PTPRG: variants seen among roughly 807,000 people sequenced by gnomAD.
PTPRG encodes protein tyrosine phosphatase receptor type G.
In PTPRG, 102 loss-of-function variants were observed where a neutral mutation model predicts 165.3. The ratio of observed to expected loss-of-function variants is 0.62; its 90% CI spans 0.53 to 0.73. The LOEUF is 0.73. Among genes scored for constraint, PTPRG ranks in the 30% least tolerant of loss-of-function variants. The pLI, the probability that PTPRG is intolerant of heterozygous loss-of-function variation, is 0.00. For missense variants in PTPRG, 1,866 were observed against 1,861.4 expected, an observed-to-expected ratio of 1.00 and a Z score of -0.05; for synonymous variants, 675 against 669.5, an observed-to-expected ratio of 1.01 and a Z score of -0.13.
intron 2 of PTPRG, among the ~76,000 whole-genome samples, chr3:61,886,235 A>G (rs575424796): frequency 2.6e-5 from 4 of 152,242 alleles, no homozygotes; most frequent in Admixed American, 1.3e-4. Flanking sequence ...AAGTGGATTC[A>G]GGTGGAGAAA....
rs114945621 is a variant in PTPRG at position 61,915,827 on chromosome 3, A to G, written c.191-73798A>G. Among the ~76,000 whole-genome samples the G allele has an allele frequency of 4.0e-3, 607 of 152,342 alleles. 4 individuals are homozygous for G. The highest frequency in any genetic ancestry group is 7.0e-3 in the Non-Finnish European group (479 of 68,032). ...TCATAATATCACTTGATTTAAAGTC[A>G]AATATCTGAACCTGAATACTATAGG... On this transcript the variant is annotated intron_variant, in intron 2 of 29. Coordinates refer to ENST00000474889, the MANE Select transcript of PTPRG (RefSeq NM_002841.4).
intron 1 of PTPRG, among the ~76,000 whole-genome samples, chr3:61,713,317 C>T (rs2031654849): frequency 2.0e-5 from 3 of 150,714 alleles, no homozygotes; most frequent in East Asian, 3.9e-4. Flanking sequence ...CGTGAGACCA[C>T]GCTCAGCTAA....
intron 1 of PTPRG, among the ~76,000 whole-genome samples, chr3:61,674,743 A>G (rs1038003585): frequency 1.3e-5 from 2 of 152,142 alleles, no homozygotes; most frequent in African/African-American, 4.8e-5. Flanking sequence ...AAAGTCCTGG[A>G]ATGTCTTTCA....
Position 61,906,320 on chromosome 3 carries a change from A to G in PTPRG, c.191-83305A>G, listed in dbSNP as rs1465714888. Among the ~76,000 whole-genome samples the G allele has an allele frequency of 2.0e-5, 3 of 151,730 alleles. No homozygotes were observed. In the South Asian group the frequency reaches 6.3e-4, roughly 32 times the overall value. ...ATAAAAAAAAAATTAGCCGGGTGTG[A>G]TGGTGTGCACCTTTAATCCCAGCTC... is the stretch of plus-strand genomic sequence containing the variant. On this transcript the variant is annotated intron_variant, in intron 2 of 29. Transcript: ENST00000474889.
intron 2 of PTPRG, among the ~76,000 whole-genome samples, chr3:61,922,345 T>C (rs947445924): frequency 6.6e-6 from 1 of 152,254 alleles, no homozygotes; most frequent in Non-Finnish European, 1.5e-5. Flanking sequence ...ATGCTTGGCA[T>C]GCAGGCTTCC....
chr3:61,628,228 A>G (rs756325918), intron 1 of PTPRG, among the ~76,000 whole-genome samples: 4 of 152,190 alleles, frequency 2.6e-5, no homozygotes, highest in Non-Finnish European at 5.9e-5. Flanking sequence ...TAACTTGAAC[A>G]TAAATGTTTT....
intron 28 of PTPRG, among the ~76,000 whole-genome samples, chr3:62,286,563 A>AC (rs1702668840): frequency 0.014 from 1 of 72 alleles, no homozygotes; most frequent in South Asian, 0.25. Context: ...CAGAGCACTT[A>AC]AAAAAAAACA....
At position 62,231,321 on chromosome 3, in the gene PTPRG, G is replaced by C; in HGVS notation, c.2375+10G>C. On this transcript the variant is annotated intron_variant, in intron 14 of 29. Coordinates refer to ENST00000474889, the MANE Select transcript of PTPRG (RefSeq NM_002841.4). The stretch of plus-strand genomic sequence containing the variant: ...GAGAGAAGGGGAGCAGGTGAGGGGC[G>C]GTCAAGCTTAAGTGGGGGGCGTCTT... The C allele has an allele frequency of 6.4e-7, 1 of 1,564,750 alleles. No individual in the cohort carries two copies. The highest frequency in any genetic ancestry group is 8.6e-7 in the Non-Finnish European group (1 of 1,157,474).
At chr3:61,959,348 T>A (rs1381012399) in intron 2 of PTPRG, among the ~76,000 whole-genome samples, 1 of 152,104 alleles carries the variant, frequency 6.6e-6, no homozygotes, top group Non-Finnish European at 1.5e-5. Context: ...TCCCCAACCT[T>A]TTTGGCACCA....
intron 1 of PTPRG, among the ~76,000 whole-genome samples, chr3:61,698,586 A>G (rs1402872505): frequency 6.6e-6 from 1 of 152,202 alleles, no homozygotes; most frequent in Non-Finnish European, 1.5e-5. Context: ...ATCCTTACGT[A>G]GCAGTGGTTC....
chr3:62,193,221 ATAAT>A (rs1348587872), intron 9 of PTPRG, among the ~76,000 whole-genome samples: 1 of 152,244 alleles, frequency 6.6e-6, no homozygotes, highest in Non-Finnish European at 1.5e-5. Flanking sequence ...TAAGTGGAAA[ATAAT>A]TAAACATGCA....
intron 26 of PTPRG, among the ~76,000 whole-genome samples, chr3:62,280,777 A>G (rs565074810): frequency 7.2e-5 from 11 of 152,168 alleles, no homozygotes; most frequent in African/African-American, 2.6e-4. Context: ...TTGCAGCATT[A>G]TTAGCAATCG....
chr3:62,048,802 G>A (rs1700377397), intron 4 of PTPRG, among the ~76,000 whole-genome samples: 2 of 152,278 alleles, frequency 1.3e-5, no homozygotes, highest in South Asian at 2.1e-4. Flanking sequence ...GATCTGTAAA[G>A]GTGAACATAT....
At chr3:61,724,506 C>T (rs1296148290) in intron 1 of PTPRG, among the ~76,000 whole-genome samples, 1 of 151,864 alleles carries the variant, frequency 6.6e-6, no homozygotes, top group South Asian at 2.1e-4. Flanking sequence ...GGATAGTCAC[C>T]CCAGAATACA....
intron 9 of PTPRG, among the ~76,000 whole-genome samples, chr3:62,193,789 G>A (rs1401453993): frequency 2.0e-5 from 3 of 152,318 alleles, no homozygotes; most frequent in Admixed American, 6.5e-5. Flanking sequence ...CAATAGCTGC[G>A]TTGGGAAAAC....
At chr3:61,975,866 G>T (rs966795523) in intron 2 of PTPRG, among the ~76,000 whole-genome samples, 1 of 152,014 alleles carries the variant, frequency 6.6e-6, no homozygotes, top group African/African-American at 2.4e-5. Context: ...CAAGAAAGCC[G>T]GCCATTTTTA....
At chr3:62,288,755 T>C (rs1313763238) in intron 28 of PTPRG, among the ~76,000 whole-genome samples, 1 of 152,120 alleles carries the variant, frequency 6.6e-6, no homozygotes, top group Non-Finnish European at 1.5e-5. Flanking sequence ...CTTTTAGAGT[T>C]TGATACTAAA....
At chr3:62,049,251 T>C (rs1700396154) in intron 4 of PTPRG, among the ~76,000 whole-genome samples, 1 of 152,152 alleles carries the variant, frequency 6.6e-6, no homozygotes, top group African/African-American at 2.4e-5. Flanking sequence ...GTTCACTGTT[T>C]TAAGGTTATA....
chr3:62,155,947 T>C (rs1478167681), intron 6 of PTPRG, among the ~76,000 whole-genome samples: 1 of 152,168 alleles, frequency 6.6e-6, no homozygotes, highest in Non-Finnish European at 1.5e-5. Flanking sequence ...AGGACTCCAG[T>C]AGTCTTATTG....
Sources: gnomAD v4.1 joint callset for allele counts (sites outside exome capture counted in the v4.1 genomes callset) on GRCh38, gnomAD v4.1.1 for gene constraint, MANE v1.5 for transcripts, NCBI Gene and HGNC (gene_info 2026-07-23, HGNC 2026-07-21) for gene names.